The following IFI35 variants were observed in gnomAD, a reference collection of about 807,000 sequenced individuals.
IFI35 encodes the protein interferon-induced 35 kDa protein.
IFI35 carries 30 observed loss-of-function variants against 28.6 expected under a neutral mutation model. The ratio of observed to expected loss-of-function variants is 1.05; its 90% CI spans 0.79 to 1.43. The LOEUF is 1.43. Ranked by LOEUF, IFI35 falls within the 40% of genes most tolerant of loss-of-function variation. IFI35 has a pLI of 0.00. For synonymous variants in IFI35, 146 were observed against 154.8 expected, an observed-to-expected ratio of 0.94 and a Z score of 0.42; for missense variants, 372 against 356.9, an observed-to-expected ratio of 1.04 and a Z score of -0.34.
rs772217575 is a variant in IFI35, at chr17:43,006,937, A to G, written c.-11A>G. The G allele has an allele frequency of 1.9e-6, 3 of 1,614,046 alleles. 1 individual carries two copies. In the South Asian group the frequency reaches 3.3e-5, roughly 18 times the overall value. On this transcript the variant is annotated 5_prime_UTR_variant, in exon 1 of 7. Transcript: ENST00000415816. ...TGAAGCCTCAGCTCTTGCCAAACAGACCCGAGACCCATGTCAGCCCCACTG... is the reference window on the plus strand; with the variant it reads ...TGAAGCCTCAGCTCTTGCCAAACAGGCCCGAGACCCATGTCAGCCCCACTG...
At chr17:43,009,995 G>A (rs1432420910) in intron 1 of IFI35, among the ~76,000 whole-genome samples, 1 of 151,672 alleles carries the variant, frequency 6.6e-6, no homozygotes, top group Non-Finnish European at 1.5e-5. Context: ...CAGCACTTTG[G>A]GAGGCTAAGA....
chr17:43,010,903 C>T (rs1221191001), intron 1 of IFI35, among the ~76,000 whole-genome samples: 1 of 152,156 alleles, frequency 6.6e-6, no homozygotes, highest in Non-Finnish European at 1.5e-5. Context: ...GATTCCTAAC[C>T]ACAGGGTGAA....
At position 43,012,306 on chromosome 17, in the gene IFI35, TAAA is replaced by T. The variant is rs780738517; in HGVS notation, c.120+32_120+34del. The T allele has an allele frequency of 3.3e-6, 5 of 1,529,394 alleles. No individual in the cohort carries two copies. In the East Asian group the frequency reaches 1.2e-4, roughly 38 times the overall value. 94.7% of individuals were successfully genotyped at this position (1,529,394 alleles called of 1,614,324 possible). A position where few individuals can be genotyped will look rare whatever the true frequency, so the allele number is the denominator to read the frequency against. On this transcript the variant is annotated intron_variant, in intron 2 of 6. Transcript: ENST00000415816. ...AGGTGGGAGATCTGGTGTTGTTTGG[TAAA>T]AACGAGCTGGCGAGGCCGGGTGCGG... is the stretch of plus-strand genomic sequence containing the variant.
intron 1 of IFI35, 97 bp downstream of exon 1, chr17:43,007,065 C>A: frequency 7.6e-7 from 1 of 1,318,320 alleles, no homozygotes; most frequent in Non-Finnish European, 1.1e-6. Context: ...CCAAGCCTCA[C>A]CCTGCCCATC....
chr17:43,010,483 C>G, intron 1 of IFI35, among the ~76,000 whole-genome samples: 1 of 152,160 alleles, frequency 6.6e-6, no homozygotes, highest in East Asian at 1.9e-4. Context: ...AGGACATGCT[C>G]TTCCCAGTGC....
rs145061445 is a variant in IFI35 at position 43,013,142 on chromosome 17, C to G, written c.216C>G (p.Ile72Met). 103 of 1,613,962 alleles carry G rather than the reference C, an allele frequency of 6.4e-5. No homozygotes were observed. Among genetic ancestry groups the G allele is most frequent in the Non-Finnish European group, 8.3e-5 (98 of 1,180,030 alleles). ...VPKSLVSNLR[I>M]HCPLLAGSAL... ...AGTCTTTAGTTTCCAATTTGCGGAT[C>G]CACTGCCCTCTGCTTGCGGGCTCTG... The change falls in exon 3 of 7, where the codon ATC becomes ATG. Residue 72 changes from isoleucine (I) to methionine (M), a missense_variant. By Grantham distance (10) the Ile-to-Met change is conservative. Transcript: ENST00000415816.
intron 6 of IFI35, 69 bp downstream of exon 6, chr17:43,013,951 T>G: frequency 1.5e-6 from 2 of 1,367,196 alleles, no homozygotes; most frequent in Non-Finnish European, 2.0e-6. Flanking sequence ...ACTTGCCCAA[T>G]GAAGGATCAG....
Position 43,013,275 on chromosome 17 carries a change from C to G in IFI35, c.277C>G (p.Gln93Glu), listed in dbSNP as rs1375314395. 1 of 1,614,146 alleles carries G rather than the reference C, an allele frequency of 6.2e-7. No homozygotes were observed. Among genetic ancestry groups the G allele is most frequent in the South Asian group, 1.1e-5 (1 of 91,076 alleles). Residue 93 changes from glutamine to glutamate, a missense_variant, in exon 4 of 7, where the codon CAG becomes GAG. Transcript: ENST00000415816. ...ITFDDPKVAE[Q>E]VLQQKEHTIN... is the part of the protein sequence containing the mutation. The stretch of plus-strand genomic sequence containing the variant: ...TGTTTCCCACCACCCAGTGGCTGAG[C>G]AGGTGCTGCAACAAAAGGAGCACAC...
intron 1 of IFI35, among the ~76,000 whole-genome samples, chr17:43,010,378 G>A (rs1388445652): frequency 1.3e-5 from 2 of 152,178 alleles, no homozygotes. Flanking sequence ...GGGTGGCATT[G>A]AGACTTTGTC....
At chr17:43,013,954 A>G (rs756572425) in intron 6 of IFI35, 72 bp downstream of exon 6, 164 of 1,338,070 alleles carry the variant, frequency 1.2e-4, no homozygotes, top group Non-Finnish European at 1.6e-4. Flanking sequence ...TGCCCAATGA[A>G]GGATCAGAGG....
intron 1 of IFI35, among the ~76,000 whole-genome samples, chr17:43,010,201 C>T (rs761274204): frequency 1.3e-5 from 2 of 151,642 alleles, no homozygotes; most frequent in Non-Finnish European, 2.9e-5. Flanking sequence ...CGCCACTGCA[C>T]TCCAGCCTGG....
At chr17:43,011,689 A>T (rs1312653769) in intron 1 of IFI35, among the ~76,000 whole-genome samples, 1 of 152,150 alleles carries the variant, frequency 6.6e-6, no homozygotes, top group Non-Finnish European at 1.5e-5. Flanking sequence ...AGTTAAGAAT[A>T]TGACTGTATG....
intron 2 of IFI35, 82 bp downstream of exon 2, chr17:43,012,359 C>A: frequency 1.0e-6 from 1 of 957,620 alleles, no homozygotes; most frequent in Non-Finnish European, 1.6e-6. Context: ...AAACCCAGCA[C>A]TTTGGTAGGC....
At chr17:43,012,018 G>A (rs1005145022) in intron 1 of IFI35, 161 bp from the exon 2 acceptor site, 22 of 460,160 alleles carry the variant, frequency 4.8e-5, no homozygotes, top group South Asian at 1.9e-4. Flanking sequence ...TGGGTGGAGG[G>A]GGCCAAGACC....
chr17:43,009,279 A>T (rs1180858497), intron 1 of IFI35, among the ~76,000 whole-genome samples: 2 of 151,952 alleles, frequency 1.3e-5, no homozygotes, highest in Non-Finnish European at 2.9e-5. Context: ...GATTACAGGC[A>T]TGTGCCACAA....
At chr17:43,010,909 G>A (rs1213503961) in intron 1 of IFI35, among the ~76,000 whole-genome samples, 1 of 152,162 alleles carries the variant, frequency 6.6e-6, no homozygotes, top group Non-Finnish European at 1.5e-5. Flanking sequence ...TAACCACAGG[G>A]TGAACTCTGC....
In IFI35 at chr17:43,012,260, G is replaced by T. The variant is rs747130156; in HGVS notation, c.103G>T (p.Asp35Tyr). The part of the protein sequence containing the change: ...DLQQLRKELG[D>Y]SPKDKVPFSV... ...GCAGCAGCTGAGAAAGGAGCTCGGG[G>T]ACTCCCCCAAAGACAAGGTAAGGTG... is the stretch of plus-strand genomic sequence containing the variant. Residue 35 changes from aspartate to tyrosine, a missense_variant, in exon 2 of 7, where the codon GAC (aspartate) becomes TAC (tyrosine). Physicochemically the swap from Asp to Tyr is radical, Grantham distance 160 (BLOSUM62 -3). Transcript: ENST00000415816. 82 of 1,572,580 alleles carry T rather than the reference G, an allele frequency of 5.2e-5. No individual in the cohort carries two copies. The highest frequency in any genetic ancestry group is 6.6e-5 in the Non-Finnish European group (76 of 1,158,546).
chr17:43,013,244 T>G (rs1412051133), intron 3 of IFI35, 23 bp from the exon 4 acceptor site: 1 of 1,613,982 alleles, frequency 6.2e-7, no homozygotes, highest in African/African-American at 1.3e-5. Flanking sequence ...TTCCCAGTAC[T>G]GACCCTGTTT....
chr17:43,013,695 G>A (rs746277145), intron 5 of IFI35, 33 bp downstream of exon 5: 4 of 1,611,896 alleles, frequency 2.5e-6, no homozygotes, highest in Non-Finnish European at 3.4e-6. Flanking sequence ...GCAGGGGAGA[G>A]GGTATAGGGT....
Sources: allele counts gnomAD v4.1 joint callset (sites outside exome capture counted in the v4.1 genomes callset), GRCh38; gene constraint gnomAD v4.1.1; transcripts MANE v1.5; gene names NCBI Gene and HGNC (gene_info 2026-07-23, HGNC 2026-07-21).